PVALEF: variants seen among roughly 807,000 people sequenced by gnomAD.
The protein encoded by PVALEF is parvalbumin-like EF-hand-containing protein.
PVALEF carries 2 observed loss-of-function variants against 1.2 expected under a neutral mutation model. That is an observed-to-expected ratio of 1.68 (90% CI 0.69 to 5.28). PVALEF has a LOEUF of 5.28. PVALEF is among the 30% of genes most tolerant of loss of function. PVALEF has a pLI of 0.06. For synonymous variants in PVALEF, 16 were observed against 6.5 expected (o/e 2.47, Z -2.24); for missense variants, 35 against 17.7 (o/e 1.97, Z -1.75).
chr17:81,172,147 C>G (rs1267025580), intron 2 of PVALEF, among the ~76,000 whole-genome samples: 1 of 152,214 alleles, frequency 6.6e-6, no homozygotes, highest in Non-Finnish European at 1.5e-5. Context: ...AGCTGAGTTA[C>G]GTTCCATTGT....
intron 6 of PVALEF, 59 bp downstream of exon 6, chr17:81,182,140 C>T: frequency 5.0e-6 from 2 of 398,512 alleles, no homozygotes; most frequent in Non-Finnish European, 8.8e-6. Flanking sequence ...AGGCCGCCAC[C>T]CTTGCCCATG....
chr17:81,179,520 A>G (rs2061546608), intron 3 of PVALEF, among the ~76,000 whole-genome samples: 1 of 152,110 alleles, frequency 6.6e-6, no homozygotes, highest in Admixed American at 6.5e-5. Flanking sequence ...CTAGGCCCCC[A>G]GGCTCTAAGT....
At position 81,182,056 on chromosome 17, in the gene PVALEF, C is replaced by T. The variant is rs747585761; in HGVS notation, c.333C>T (p.His111=). 1.0e-5 allele frequency: 4 copies of T among 398,632 alleles called. No homozygotes were observed. The highest frequency in any genetic ancestry group is 2.1e-5 in the African/African-American group (1 of 48,622). 24.7% of individuals were successfully genotyped at this position (398,632 alleles called of 1,614,324 possible). A position where few individuals can be genotyped will look rare whatever the true frequency, so the allele number is the denominator to read the frequency against. The change falls in exon 6 of 7, where the codon CAC becomes CAT. Residue 111 remains histidine, a synonymous_variant. Transcript: ENST00000637878. ...AEAMIQAADT[H]GDGRINYEEF... ...CCATGATCCAGGCGGCAGACACACA[C>T]GGGGACGGGAGGATCAACTACGAAG...
At chr17:81,174,739 G>A (rs1212074266) in intron 2 of PVALEF, among the ~76,000 whole-genome samples, 1 of 152,170 alleles carries the variant, frequency 6.6e-6, no homozygotes, top group Non-Finnish European at 1.5e-5. Flanking sequence ...CACAAGGTCA[G>A]GAGATTGAGA....
At chr17:81,169,999 GGT>G (rs199553360) in intron 2 of PVALEF, among the ~76,000 whole-genome samples, 20 of 144,794 alleles carry the variant, frequency 1.4e-4, no homozygotes, top group African/African-American at 2.6e-4. Flanking sequence ...TGTGTGTGTT[GGT>G]GTGTCTGCAT....
intron 1 of PVALEF, among the ~76,000 whole-genome samples, chr17:81,166,460 G>A (rs182203250): frequency 0.012 from 1,353 of 113,580 alleles, 26 homozygotes; most frequent in East Asian, 0.08. Context: ...GGTCCGGAGC[G>A]GGAAGCACGG....
intron 2 of PVALEF, among the ~76,000 whole-genome samples, chr17:81,168,192 C>T (rs2061506161): frequency 6.6e-6 from 1 of 152,180 alleles, no homozygotes; most frequent in African/African-American, 2.4e-5. Context: ...AGTTTCTGTC[C>T]AGAACTTCCA....
At chr17:81,180,397 T>G (rs2061549707) in intron 3 of PVALEF, among the ~76,000 whole-genome samples, 1 of 152,116 alleles carries the variant, frequency 6.6e-6, no homozygotes, top group Non-Finnish European at 1.5e-5. Flanking sequence ...CAGCTCTGAA[T>G]GAAGTGGGGC....
chr17:81,166,448 A>T (rs1393297179), intron 1 of PVALEF, among the ~76,000 whole-genome samples: 4 of 74,396 alleles, frequency 5.4e-5, no homozygotes, highest in Non-Finnish European at 1.0e-4. Context: ...GAGTGGGGGG[A>T]TGGTCCGGAG....
rs149161543 is a variant in PVALEF, at chr17:81,174,806, G to A, written c.-339-4112G>A. Among the ~76,000 whole-genome samples, 229 of 151,876 alleles carry A rather than the reference G, an allele frequency of 1.5e-3. 7 individuals carry two copies. The East Asian group carries it at 0.039, about 26-fold the overall frequency. ...CTACTAAAAATACAAAAAATTAGCCGAGCATGGTGGCAGGCACCTGTAGTC... is the reference window on the plus strand; with the variant it reads ...CTACTAAAAATACAAAAAATTAGCCAAGCATGGTGGCAGGCACCTGTAGTC... On this transcript the variant is annotated intron_variant, in intron 2 of 6. Coordinates refer to ENST00000637878, the MANE Select transcript of PVALEF (RefSeq NM_001354639.2).
intron 3 of PVALEF, among the ~76,000 whole-genome samples, chr17:81,179,881 G>A (rs1359518926): frequency 6.6e-6 from 1 of 152,110 alleles, no homozygotes; most frequent in African/African-American, 2.4e-5. Context: ...GTGGAGGGTG[G>A]GTAAAGGGAG....
chr17:81,171,087 G>C (rs942603110), intron 2 of PVALEF, among the ~76,000 whole-genome samples: 10 of 152,248 alleles, frequency 6.6e-5, no homozygotes, highest in African/African-American at 2.4e-4. Context: ...CCCCAAGGGG[G>C]CAGTGCCTGT....
intron 2 of PVALEF, among the ~76,000 whole-genome samples, chr17:81,167,732 G>A (rs1026273114): frequency 2.0e-5 from 3 of 152,222 alleles, no homozygotes; most frequent in African/African-American, 7.2e-5. Context: ...AGGAGACAGG[G>A]CACCCAGAGC....
chr17:81,174,476 A>G (rs182400659), intron 2 of PVALEF, among the ~76,000 whole-genome samples: 1 of 152,052 alleles, frequency 6.6e-6, no homozygotes, highest in Admixed American at 6.6e-5. Context: ...TAAAAATTAC[A>G]AAAATTAGCC....
chr17:81,166,612 TG>T (rs1312553404), intron 1 of PVALEF, 64 bp from the exon 2 acceptor site: 2 of 434,538 alleles, frequency 4.6e-6, no homozygotes, highest in Non-Finnish European at 9.2e-6. Flanking sequence ...GGGAGACAGG[TG>T]GGGGAACCCG....
At chr17:81,177,699 C>T (rs2146448820) in intron 2 of PVALEF, among the ~76,000 whole-genome samples, 1 of 152,256 alleles carries the variant, frequency 6.6e-6, no homozygotes, top group South Asian at 2.1e-4. Flanking sequence ...CAGCATCAAA[C>T]GTGTGTTCTG....
At position 81,166,809 on chromosome 17, in the gene PVALEF, C is replaced by T. The variant is rs376527771; in HGVS notation, c.-375C>T. 1 of 454,818 alleles carries T rather than the reference C, an allele frequency of 2.2e-6. No individual in the cohort carries two copies. The highest frequency in any genetic ancestry group is 2.0e-5 in the African/African-American group (1 of 50,000). 28.2% of individuals were successfully genotyped at this position (454,818 alleles called of 1,614,324 possible). A position where few individuals can be genotyped will look rare whatever the true frequency, so the allele number is the denominator to read the frequency against. On this transcript the variant is annotated 5_prime_UTR_variant, in exon 2 of 7. Transcript: ENST00000637878. Reference sequence around the variant, plus strand: ...TGCTGCGACAGCCATGAAGGAAGAACCTGGCTGAGTCTCCACCTGCCGTGG... The same window carrying T: ...TGCTGCGACAGCCATGAAGGAAGAATCTGGCTGAGTCTCCACCTGCCGTGG...
intron 2 of PVALEF, among the ~76,000 whole-genome samples, chr17:81,174,454 C>G (rs2146446604): frequency 1.3e-5 from 2 of 151,336 alleles, no homozygotes; most frequent in South Asian, 4.2e-4. Flanking sequence ...CATGGTGAAA[C>G]CCCATCTCTA....
intron 2 of PVALEF, among the ~76,000 whole-genome samples, chr17:81,171,745 G>T (rs1426842095): frequency 6.6e-6 from 1 of 152,142 alleles, no homozygotes; most frequent in Non-Finnish European, 1.5e-5. Context: ...GCCCACCTCA[G>T]CCTCCCAAAG....
Sources: allele counts gnomAD v4.1 joint callset (sites outside exome capture counted in the v4.1 genomes callset), GRCh38; gene constraint gnomAD v4.1.1; transcripts MANE v1.5; gene names NCBI Gene and HGNC (gene_info 2026-07-23, HGNC 2026-07-21).